Variants in ASB14 observed in about 807,000 individuals in gnomAD.
ASB14 encodes the protein ankyrin repeat and SOCS box containing 14.
ASB14 carries 63 observed loss-of-function variants against 55.6 expected under a neutral mutation model. That is an observed-to-expected ratio of 1.13 (90% CI 0.92 to 1.40). ASB14 has a LOEUF of 1.40. Ranked by LOEUF, ASB14 falls within the 40% of genes most tolerant of loss-of-function variation. The pLI is 0.00. For missense variants in ASB14, 724 were observed against 710.4 expected, an observed-to-expected ratio of 1.02 and a Z score of -0.22; for synonymous variants, 256 against 259.9, an observed-to-expected ratio of 0.98 and a Z score of 0.15.
At chr3:57,270,946 C>T (rs1321801231) in intron 10 of ASB14, 2 of 152,006 alleles carry the variant, frequency 1.3e-5, no homozygotes, top group Middle Eastern at 3.4e-3. Context: ...TATGTTAAAC[C>T]TTAATTTTTT....
intron 10 of ASB14, among the ~76,000 whole-genome samples, chr3:57,275,037 C>T (rs1452540210): frequency 6.6e-6 from 1 of 152,312 alleles, no homozygotes; most frequent in East Asian, 1.9e-4. Flanking sequence ...CCCACAAGAA[C>T]AGCAAACTCC....
chr3:57,270,757 TAATAG>T lies in ASB14; in HGVS notation c.*23-1144_*23-1140del, dbSNP rs1350551905. Reference sequence around the variant, plus strand: ...ACAAAGGCAAATAACTAATGTATGATAATAGAATAATTTGCACTAATTATTGTAAA... The same window carrying T: ...ACAAAGGCAAATAACTAATGTATGATAATAATTTGCACTAATTATTGTAAA... On this transcript the variant is annotated intron_variant, in intron 10 of 10. Transcript: ENST00000487349. 1.3e-4 allele frequency: 20 copies of T among 152,492 alleles called. No individual in the cohort carries two copies. In the East Asian group the frequency reaches 2.9e-3, roughly 22 times the overall value. The allele number at this position is 152,492 out of a possible 1,614,324, so 9.4% of individuals were successfully genotyped here. A position where few individuals can be genotyped will look rare whatever the true frequency, so the allele number is the denominator to read the frequency against.
At chr3:57,279,514 C>T (rs2061020873) in intron 7 of ASB14, among the ~76,000 whole-genome samples, 1 of 152,034 alleles carries the variant, frequency 6.6e-6, no homozygotes, top group Non-Finnish European at 1.5e-5. Flanking sequence ...TCCTGGCCAA[C>T]ATGGTGAAAC....
At chr3:57,289,013 C>T in intron 3 of ASB14, 55 bp downstream of exon 3, 1 of 1,343,760 alleles carries the variant, frequency 7.4e-7, no homozygotes, top group African/African-American at 1.4e-5. Flanking sequence ...CCACTGCATC[C>T]AGCCAATGTC....
intron 2 of ASB14, among the ~76,000 whole-genome samples, chr3:57,291,660 A>T (rs2061131376): frequency 6.6e-6 from 1 of 152,026 alleles, no homozygotes; most frequent in Non-Finnish European, 1.5e-5. Context: ...CTTTCTTCTG[A>T]TTTCCAGTCT....
intron 7 of ASB14, among the ~76,000 whole-genome samples, chr3:57,279,186 TTA>T (rs1289600659): frequency 6.6e-6 from 1 of 151,942 alleles, no homozygotes; most frequent in Non-Finnish European, 1.5e-5. Context: ...GAAAAAAGTT[TTA>T]TATCTCTTCG....
intron 5 of ASB14, 142 bp from the exon 6 acceptor site, chr3:57,283,581 T>G (rs956282605): frequency 2.4e-5 from 20 of 830,582 alleles, no homozygotes; most frequent in Non-Finnish European, 3.0e-5. Context: ...GGAAACAGAT[T>G]GTAAAGTAAG....
At chr3:57,278,050 G>A in intron 8 of ASB14, 130 bp from the exon 9 acceptor site, 2 of 768,852 alleles carry the variant, frequency 2.6e-6, no homozygotes, top group South Asian at 1.9e-5. Context: ...AATGGGAAGG[G>A]ATGGTAGTGG....
In ASB14 at chr3:57,269,466, A is replaced by G; in HGVS notation, c.*175T>C. 1 of 1,507,624 alleles carries G rather than the reference A, an allele frequency of 6.6e-7. No homozygotes were observed. The highest frequency in any genetic ancestry group is 9.0e-7 in the Non-Finnish European group (1 of 1,107,592). The allele number at this position is 1,507,624 out of a possible 1,614,324, so 93.4% of individuals were successfully genotyped here. A position where few individuals can be genotyped will look rare whatever the true frequency, so the allele number is the denominator to read the frequency against. On this transcript the variant is annotated 3_prime_UTR_variant, in exon 11 of 11. Transcript: ENST00000487349. ...TATGACAGAAGAAGTGGCTCTCAAGAATGTATCTTAACTGCATAATTTGCC... is the reference window on the plus strand; with the variant it reads ...TATGACAGAAGAAGTGGCTCTCAAGGATGTATCTTAACTGCATAATTTGCC...
chr3:57,285,417 T>C lies in ASB14; in HGVS notation c.470-1978A>G, dbSNP rs2061073495. On this transcript the variant is annotated intron_variant, in intron 5 of 10. Transcript: ENST00000487349. ...AGTAACCTGCTTGTATTGATACTTG[T>C]TGATTTTTGGTTTTGGTATAATTTA... Among the ~76,000 whole-genome samples, 2 of 152,154 alleles carry C rather than the reference T, an allele frequency of 1.3e-5. 1 individual carries two copies. Among genetic ancestry groups the C allele is most frequent in the South Asian group, 4.1e-4 (2 of 4,826 alleles).
chr3:57,292,147 G>T (rs1388335425), intron 1 of ASB14, 43 bp from the exon 2 acceptor site: 3 of 1,166,208 alleles, frequency 2.6e-6, no homozygotes, highest in Non-Finnish European at 3.4e-6. Flanking sequence ...TAGAAAATTG[G>T]TAGGATTAAC....
chr3:57,284,068 TAATA>T (rs1474545487), intron 5 of ASB14, among the ~76,000 whole-genome samples: 1 of 111,490 alleles, frequency 9.0e-6, no homozygotes, highest in Non-Finnish European at 1.9e-5. Context: ...AAAAAAATAA[TAATA>T]AAAGGCTTGG....
chr3:57,284,547 A>G (rs555085097), intron 5 of ASB14, among the ~76,000 whole-genome samples: 1 of 152,354 alleles, frequency 6.6e-6, no homozygotes, highest in South Asian at 2.1e-4. Context: ...TCCATGACCT[A>G]TCAATAGGGA....
At chr3:57,269,856 C>A in intron 10 of ASB14, 2 of 754,218 alleles carry the variant, frequency 2.7e-6, no homozygotes, top group Non-Finnish European at 4.1e-6. Context: ...CTTAGGTTTG[C>A]ATTGATCTTT....
chr3:57,278,032 G>T, intron 8 of ASB14, 112 bp from the exon 9 acceptor site: 1 of 1,003,522 alleles, frequency 1.0e-6, no homozygotes, highest in Non-Finnish European at 1.4e-6. Context: ...AGAGAAAAAT[G>T]TCTCAAAAAT....
At chr3:57,281,455 T>G (rs2061039548) in intron 6 of ASB14, among the ~76,000 whole-genome samples, 1 of 152,082 alleles carries the variant, frequency 6.6e-6, no homozygotes, top group African/African-American at 2.4e-5. Flanking sequence ...AGCATTTGAA[T>G]GGACAAAAGT....
chr3:57,288,432 C>T (rs1038072627), intron 3 of ASB14, 146 bp from the exon 4 acceptor site: 2 of 917,198 alleles, frequency 2.2e-6, no homozygotes, highest in Non-Finnish European at 1.6e-6. Context: ...TGGCATATGA[C>T]AGACAGTAAG....
chr3:57,280,175 A>T, intron 7 of ASB14, 127 bp downstream of exon 7: 1 of 665,824 alleles, frequency 1.5e-6, no homozygotes, highest in South Asian at 3.6e-5. Flanking sequence ...AAAAAAAAAA[A>T]AAAAAAAAAA....
chr3:57,288,006 A>C lies in ASB14; in HGVS notation c.364T>G (p.Phe122Val), dbSNP rs2061093974. 12 of 1,537,244 alleles carry C rather than the reference A, an allele frequency of 7.8e-6. No individual in the cohort carries two copies. The highest frequency in any genetic ancestry group is 1.0e-5 in the Non-Finnish European group (12 of 1,146,936). ...AAGAGGCAACTGCTGACAGCCAAAA[A>C]AAGTGGCGTTTCACCATTGTGAGTG... The part of the protein sequence containing the change: ...QTTHNGETPL[F>V]LAVSSCLLEN... Residue 122 changes from phenylalanine (F) to valine (V), a missense_variant, in exon 5 of 11, where the codon TTT becomes GTT. Phe to Val is a conservative substitution (Grantham distance 50). Transcript: ENST00000487349.
Sources: allele counts gnomAD v4.1 joint callset (sites outside exome capture counted in the v4.1 genomes callset), GRCh38; gene constraint gnomAD v4.1.1; transcripts MANE v1.5; gene names NCBI Gene and HGNC (gene_info 2026-07-23, HGNC 2026-07-21).